Variants in BEND3 observed in about 807,000 individuals in gnomAD.
BEND3 encodes the protein BEN domain-containing protein 3.
A neutral mutation model predicts 60.1 loss-of-function variants in BEND3; 13 were observed. That is an observed-to-expected ratio of 0.22 (90% CI 0.14 to 0.34). The LOEUF (loss-of-function observed/expected upper bound fraction) is 0.34. BEND3 is among the 10% of genes least tolerant of loss of function. BEND3 has a pLI of 1.00. For missense variants in BEND3, 896 were observed against 1,138.1 expected (o/e 0.79, Z 3.06); for synonymous variants, 497 against 491.5 (o/e 1.01, Z -0.15).
At chr6:107,110,525 A>C (rs899642657) in intron 1 of BEND3, among the ~76,000 whole-genome samples, 2 of 152,180 alleles carry the variant, frequency 1.3e-5, no homozygotes, top group Non-Finnish European at 2.9e-5. Context: ...CAAAGCACCA[A>C]AAAAATCAGT....
chr6:107,072,003 C>A (rs1177528555), intron 3 of BEND3, among the ~76,000 whole-genome samples: 2 of 152,220 alleles, frequency 1.3e-5, no homozygotes, highest in Non-Finnish European at 2.9e-5. Flanking sequence ...AAATATGTAT[C>A]CTTCTTTGAG....
chr6:107,078,635 C>G (rs1156574435), intron 3 of BEND3, among the ~76,000 whole-genome samples: 2 of 148,294 alleles, frequency 1.3e-5, no homozygotes, highest in Non-Finnish European at 3.0e-5. Flanking sequence ...AACAACATTT[C>G]TAAAGGCTGA....
At chr6:107,095,890 G>T (rs893227708) in intron 3 of BEND3, among the ~76,000 whole-genome samples, 1 of 152,190 alleles carries the variant, frequency 6.6e-6, no homozygotes, top group Admixed American at 6.6e-5. Flanking sequence ...GGGTTATGTG[G>T]GAGTGAAGGA....
Position 107,069,521 on chromosome 6 carries a change from T to C in BEND3, c.1670A>G (p.Lys557Arg), listed in dbSNP as rs782551326. 3.1e-6 allele frequency: 5 copies of C among 1,613,086 alleles called. No individual in the cohort carries two copies. Among genetic ancestry groups the C allele is most frequent in the Non-Finnish European group, 4.2e-6 (5 of 1,180,014 alleles). ...EVPGADCLLS[K>R]EQLRSIYESS... The stretch of plus-strand genomic sequence containing the variant: ...CTCGTAGATGCTGCGTAGCTGCTCC[T>C]TGCTGAGCAGGCAGTCGGCACCGGG... Residue 557 changes from lysine to arginine, a missense_variant, in exon 4 of 4, where the codon AAG becomes AGG. Coordinates refer to ENST00000369042, the MANE Select transcript of BEND3 (RefSeq NM_001367314.1).
chr6:107,105,438 T>C (rs1775792969), intron 1 of BEND3, among the ~76,000 whole-genome samples: 3 of 151,310 alleles, frequency 2.0e-5, no homozygotes, highest in Admixed American at 1.3e-4. Context: ...CAGGGGGCGG[T>C]TGATCAGGAT....
chr6:107,099,367 A>G, intron 1 of BEND3, 71 bp from the exon 2 acceptor site: 1 of 1,408,728 alleles, frequency 7.1e-7, no homozygotes, highest in Non-Finnish European at 1.0e-6. Context: ...CTACCCACAG[A>G]AAATCCTCTT....
rs782442193 is a variant in BEND3 at position 107,069,498 on chromosome 6, C to G, written c.1693G>C (p.Glu565Gln). The G allele has an allele frequency of 3.7e-6, 6 of 1,613,012 alleles. No homozygotes were observed. Among genetic ancestry groups the G allele is most frequent in the South Asian group, 1.1e-5 (1 of 91,090 alleles). ...LSKEQLRSIY[E>Q]SSLSIGNFAS... The stretch of plus-strand genomic sequence containing the variant: ...AAGTTGCCGATGGACAGGCTGCTCT[C>G]GTAGATGCTGCGTAGCTGCTCCTTG... Residue 565 changes from glutamate (E) to glutamine (Q), a missense_variant, in exon 4 of 4, where the codon GAG (glutamate) becomes CAG (glutamine). By Grantham distance (29) the Glu-to-Gln change is conservative (BLOSUM62 2). Coordinates refer to ENST00000369042, the MANE Select transcript of BEND3 (RefSeq NM_001367314.1).
rs374650241 is a variant in BEND3 at position 107,078,624 on chromosome 6, AAAC to A, written c.241-7677_241-7675del. On this transcript the variant is annotated intron_variant, in intron 3 of 3. Coordinates refer to ENST00000369042, the MANE Select transcript of BEND3 (RefSeq NM_001367314.1). ...CGTGAGCCTCCGTGCCCGGCCCAGT[AAAC>A]AACATTTCTAAAGGCTGACATGGAG... is the stretch of plus-strand genomic sequence containing the variant. Among the ~76,000 whole-genome samples the A allele has an allele frequency of 1.8e-4, 25 of 140,154 alleles. 1 individual carries two copies. Among genetic ancestry groups the A allele is most frequent in the African/African-American group, 6.7e-4 (25 of 37,382 alleles). 91.9% of individuals were successfully genotyped at this position (140,154 alleles called of 152,430 possible). A position where few individuals can be genotyped will look rare whatever the true frequency, so the allele number is the denominator to read the frequency against.
rs148426288 is a variant in BEND3 at position 107,085,712 on chromosome 6, C to T, written c.240+12839G>A. 3.5e-3 allele frequency among the ~76,000 whole-genome samples: 530 copies of T among 151,518 alleles called. 12 individuals are homozygous for T. The East Asian group carries it at 0.056, about 16-fold the overall frequency. On this transcript the variant is annotated intron_variant, in intron 3 of 3. Transcript: ENST00000369042. Reference sequence around the variant, plus strand: ...TTCACTGTGTTAGCCAGGATGGTCTCGATTTCCCGACCTCATGATCCACCT... The same window carrying T: ...TTCACTGTGTTAGCCAGGATGGTCTTGATTTCCCGACCTCATGATCCACCT...
chr6:107,097,085 G>C (rs1775600455), intron 3 of BEND3, among the ~76,000 whole-genome samples: 1 of 152,122 alleles, frequency 6.6e-6, no homozygotes, highest in South Asian at 2.1e-4. Flanking sequence ...AGTTGTTTTG[G>C]GCCTGATGCA....
At chr6:107,105,482 C>T (rs1554237315) in intron 1 of BEND3, among the ~76,000 whole-genome samples, 1 of 152,090 alleles carries the variant, frequency 6.6e-6, no homozygotes, top group East Asian at 1.9e-4. Context: ...CCATAGATTT[C>T]CAAAAGGACA....
rs1774831832 is a variant in BEND3 at position 107,066,476 on chromosome 6, G to A, written c.*2228C>T. ...CACTGAAATACGGTTTCCAAAAATTGAACATGCTCTGGGTTACAAAGAGAC... is the reference window on the plus strand; with the variant it reads ...CACTGAAATACGGTTTCCAAAAATTAAACATGCTCTGGGTTACAAAGAGAC... On this transcript the variant is annotated 3_prime_UTR_variant, in exon 4 of 4. Coordinates refer to ENST00000369042, the MANE Select transcript of BEND3 (RefSeq NM_001367314.1). 1 of 152,618 alleles carries A rather than the reference G, an allele frequency of 6.6e-6. No individual in the cohort carries two copies. Among genetic ancestry groups the A allele is most frequent in the South Asian group, 2.1e-4 (1 of 4,820 alleles). 9.5% of individuals were successfully genotyped at this position (152,618 alleles called of 1,614,324 possible). A position where few individuals can be genotyped will look rare whatever the true frequency, so the allele number is the denominator to read the frequency against.
intron 1 of BEND3, among the ~76,000 whole-genome samples, chr6:107,113,288 T>C (rs1352368338): frequency 6.7e-6 from 1 of 150,284 alleles, no homozygotes; most frequent in Non-Finnish European, 1.5e-5. Context: ...ATACAAACAT[T>C]AGCAAGGCAT....
At position 107,066,703 on chromosome 6, in the gene BEND3, CA is replaced by C. The variant is rs1774838288; in HGVS notation, c.*2000del. The C allele has an allele frequency of 6.6e-6, 1 of 152,656 alleles. No individual in the cohort carries two copies. Among genetic ancestry groups the C allele is most frequent in the African/African-American group, 2.4e-5 (1 of 41,420 alleles). 9.5% of individuals were successfully genotyped at this position (152,656 alleles called of 1,614,324 possible). A position where few individuals can be genotyped will look rare whatever the true frequency, so the allele number is the denominator to read the frequency against. On this transcript the variant is annotated 3_prime_UTR_variant, in exon 4 of 4. Transcript: ENST00000369042. Reference sequence around the variant, plus strand: ...CATGGGACCTCCCGCCTCCAGCCCCCAACAACCAGCGGTGGGAAGGGGGAGG... The same window carrying C: ...CATGGGACCTCCCGCCTCCAGCCCCCACAACCAGCGGTGGGAAGGGGGAGG...
chr6:107,096,205 T>A (rs1775581648), intron 3 of BEND3, among the ~76,000 whole-genome samples: 1 of 152,190 alleles, frequency 6.6e-6, no homozygotes, highest in Non-Finnish European at 1.5e-5. Flanking sequence ...TAAAATAAAG[T>A]CTGTTAAAAC....
intron 3 of BEND3, among the ~76,000 whole-genome samples, chr6:107,086,022 C>T (rs539485745): frequency 4.6e-4 from 70 of 152,048 alleles, no homozygotes; most frequent in African/African-American, 1.6e-3. Flanking sequence ...CTCCTGACCT[C>T]GTGATCTGCC....
At chr6:107,074,432 AATTTATTATTACAATATG>A (rs1650112757) in intron 3 of BEND3, among the ~76,000 whole-genome samples, 1 of 152,074 alleles carries the variant, frequency 6.6e-6, no homozygotes, top group Admixed American at 6.6e-5. Flanking sequence ...AATACATAAA[AATTTATTATTACAATATG>A]ATTTATTATT....
chr6:107,088,550 T>G (rs184678287), intron 3 of BEND3, among the ~76,000 whole-genome samples: 1 of 152,206 alleles, frequency 6.6e-6, no homozygotes, highest in East Asian at 1.9e-4. Flanking sequence ...CTAGGCATAC[T>G]GTTTTCAAAC....
intron 1 of BEND3, among the ~76,000 whole-genome samples, chr6:107,100,507 T>C (rs1775681984): frequency 6.6e-6 from 1 of 152,056 alleles, no homozygotes; most frequent in African/African-American, 2.4e-5. Flanking sequence ...GACCTCATGA[T>C]CCGCCCACCT....
Sources: gnomAD v4.1 joint callset for allele counts (sites outside exome capture counted in the v4.1 genomes callset) on GRCh38, gnomAD v4.1.1 for gene constraint, MANE v1.5 for transcripts, NCBI Gene and HGNC (gene_info 2026-07-23, HGNC 2026-07-21) for gene names.